Variants in HSP90B1 observed in about 807,000 individuals in gnomAD.
HSP90B1 encodes the protein heat shock protein 90 beta family member 1.
A neutral mutation model predicts 100.4 loss-of-function variants in HSP90B1; 27 were observed. The observed-to-expected ratio is 0.27, with a 90% CI of 0.20 to 0.37. The LOEUF (loss-of-function observed/expected upper bound fraction) is 0.37. Ranked by LOEUF, HSP90B1 falls within the 10% of genes least tolerant of loss-of-function variation. The pLI is 1.00. For missense variants in HSP90B1, 678 were observed against 960.5 expected (o/e 0.71, Z 3.89); for synonymous variants, 304 against 330.8 (o/e 0.92, Z 0.88).
At chr12:103,941,309 T>G (rs1277824299) in intron 8 of HSP90B1, 101 bp from the exon 9 acceptor site, 1 of 1,235,552 alleles carries the variant, frequency 8.1e-7, no homozygotes, top group Non-Finnish European at 1.1e-6. Context: ...TTTTTGTTAG[T>G]TAATTGCTAA....
In HSP90B1 at chr12:103,930,601, C is replaced by G; in HGVS notation, c.49+37C>G. 1.3e-6 allele frequency: 2 copies of G among 1,582,246 alleles called. No individual in the cohort carries two copies. Among genetic ancestry groups the G allele is most frequent in the Non-Finnish European group, 8.6e-7 (1 of 1,164,380 alleles). The stretch of plus-strand genomic sequence containing the variant: ...TGGAGGAGCAGACGTCCCCCCTCCA[C>G]ACACGCGGCCGCTTCTCGAAGGTCC... On this transcript the variant is annotated intron_variant, in intron 1 of 17. Transcript: ENST00000299767. The surrounding 1 kb of genome is among the most constrained non-coding windows in gnomAD (Gnocchi z 4.4).
chr12:103,932,573 T>C (rs1033219491), intron 3 of HSP90B1, among the ~76,000 whole-genome samples, 155 bp downstream of exon 3: 3 of 152,230 alleles, frequency 2.0e-5, no homozygotes, highest in Non-Finnish European at 2.9e-5. Flanking sequence ...ACCAGATATC[T>C]GGGAAGAAAG....
At position 103,938,389 on chromosome 12, in the gene HSP90B1, A is replaced by T. The variant is rs922226216; in HGVS notation, c.905A>T (p.Glu302Val). 10 of 1,582,288 alleles carry T rather than the reference A, an allele frequency of 6.3e-6. No individual in the cohort carries two copies. The highest frequency in any genetic ancestry group is 4.5e-5 in the East Asian group (2 of 44,238). The change falls in exon 7 of 18, where the codon GAG (glutamate) becomes GTG (valine). Residue 302 changes from glutamate (E) to valine (V), a missense_variant. By Grantham distance (121) the Glu-to-Val change is moderately radical (BLOSUM62 -2). Around this residue, in one of 8 missense-constraint regions of HSP90B1, gnomAD observed 238 missense variants for 346.7 expected, o/e 0.69. Coordinates refer to ENST00000299767, the MANE Select transcript of HSP90B1 (RefSeq NM_003299.3). The stretch of plus-strand genomic sequence containing the variant: ...GAGGAAGAAGAAGCAGCCAAAGAAG[A>T]GAAAGAAGAATCTGATGATGAAGCT... ...PMEEEEAAKE[E>V]KEESDDEAAV...
At position 103,946,807 on chromosome 12, in the gene HSP90B1, G is replaced by A; in HGVS notation, c.2128G>A (p.Val710Ile). The A allele has an allele frequency of 1.2e-6, 2 of 1,614,114 alleles. No homozygotes were observed. Among genetic ancestry groups the A allele is most frequent in the Non-Finnish European group, 1.7e-6 (2 of 1,180,016 alleles). ...TCAGGAAGATGAAGATGATAAAACA[G>A]TTTTGGATCTTGCTGTGGTTTTGTT... ...RIKEDEDDKT[V>I]LDLAVVLFET... The change falls in exon 16 of 18, where the codon GTT becomes ATT. Residue 710 changes from valine (V) to isoleucine (I), a missense_variant. Physicochemically the swap from Val to Ile is conservative, Grantham distance 29. Coordinates refer to ENST00000299767, the MANE Select transcript of HSP90B1 (RefSeq NM_003299.3).
Position 103,946,949 on chromosome 12 carries a change from T to C in HSP90B1, c.2262+8T>C, listed in dbSNP as rs1344410466. ...ATTGACCCTGATGCAAAGGTTTGTA[T>C]CCCCAACCTTCCCGCAAAGGCTGGC... is the stretch of plus-strand genomic sequence containing the variant. On this transcript the variant is annotated splice_region_variant and intron_variant, in intron 16 of 17. Coordinates refer to ENST00000299767, the MANE Select transcript of HSP90B1 (RefSeq NM_003299.3). 1 of 1,605,030 alleles carries C rather than the reference T, an allele frequency of 6.2e-7. No individual in the cohort carries two copies. Among genetic ancestry groups the C allele is most frequent in the East Asian group, 2.2e-5 (1 of 44,846 alleles).
At chr12:103,932,758 G>T in intron 3 of HSP90B1, 68 bp from the exon 4 acceptor site, 1 of 844,188 alleles carries the variant, frequency 1.2e-6, no homozygotes, top group Non-Finnish European at 2.0e-6. Context: ...AATGGGTTTG[G>T]CATAAAATCG....
At position 103,943,534 on chromosome 12, in the gene HSP90B1, G is replaced by A; in HGVS notation, c.1891-204G>A. 3 of 694,022 alleles carry A rather than the reference G, an allele frequency of 4.3e-6. No homozygotes were observed. Among genetic ancestry groups the A allele is most frequent in the Non-Finnish European group, 6.9e-6 (3 of 432,050 alleles). 43.0% of individuals were successfully genotyped at this position (694,022 alleles called of 1,614,324 possible). A position where few individuals can be genotyped will look rare whatever the true frequency, so the allele number is the denominator to read the frequency against. On this transcript the variant is annotated intron_variant, in intron 13 of 17. Coordinates refer to ENST00000299767, the MANE Select transcript of HSP90B1 (RefSeq NM_003299.3). This position sits in a 1 kb window ranked among gnomAD's most constrained non-coding sequence, Gnocchi z 5.3. ...AAATTAAATTTTATGTTTTTAAAAGGTGGTATTTAAACTTCTGACTAGAAA... is the reference window on the plus strand; with the variant it reads ...AAATTAAATTTTATGTTTTTAAAAGATGGTATTTAAACTTCTGACTAGAAA...
chr12:103,947,697 G>C lies in HSP90B1; in HGVS notation c.*35G>C, dbSNP rs1188508186. ...TCACCATTTGGATCCTGTGTGGAGA[G>C]GGAATGTGAAATTTACATCATTTCT... On this transcript the variant is annotated 3_prime_UTR_variant, in exon 18 of 18. Transcript: ENST00000299767. 3 of 1,557,506 alleles carry C rather than the reference G, an allele frequency of 1.9e-6. No homozygotes were observed. Among genetic ancestry groups the C allele is most frequent in the Admixed American group, 1.7e-5 (1 of 59,930 alleles).
chr12:103,931,762 AT>A (rs1370395813), intron 2 of HSP90B1, 139 bp downstream of exon 2: 1 of 700,948 alleles, frequency 1.4e-6, no homozygotes, highest in Non-Finnish European at 2.6e-6. Context: ...AGTTGTGTGC[AT>A]ACATACCTCC....
At chr12:103,947,030 G>T in intron 16 of HSP90B1, 89 bp downstream of exon 16, 1 of 1,395,140 alleles carries the variant, frequency 7.2e-7, no homozygotes, top group Non-Finnish European at 9.8e-7. Context: ...GAGGGATGTA[G>T]CTTTGCGACA....
In HSP90B1 at chr12:103,947,311, G is replaced by A; in HGVS notation, c.2263G>A (p.Val755Met). Reference protein sequence around the residue: ...LSLNIDPDAKVEEEPEEEPEE... With the variant: ...LSLNIDPDAKMEEEPEEEPEE... ...ATGGGCCCATAAATGTTGTGTTTAGGTGGAAGAAGAGCCCGAAGAAGAACC... is the reference window on the plus strand; with the variant it reads ...ATGGGCCCATAAATGTTGTGTTTAGATGGAAGAAGAGCCCGAAGAAGAACC... Residue 755 changes from valine to methionine, a missense_variant and splice_region_variant, in exon 17 of 18, where the codon GTG becomes ATG. Val to Met is a conservative substitution (Grantham distance 21). This residue lies in a region of HSP90B1 where 65 missense variants were observed against 65.1 expected (regional missense o/e 1.00). Coordinates refer to ENST00000299767, the MANE Select transcript of HSP90B1 (RefSeq NM_003299.3). 1.3e-6 allele frequency: 2 copies of A among 1,594,088 alleles called. No homozygotes were observed. Among genetic ancestry groups the A allele is most frequent in the Admixed American group, 1.8e-5 (1 of 54,452 alleles).
chr12:103,941,113 TAAG>T (rs1870062975), intron 8 of HSP90B1, among the ~76,000 whole-genome samples: 1 of 152,212 alleles, frequency 6.6e-6, no homozygotes, highest in Non-Finnish European at 1.5e-5. Flanking sequence ...CTCTCATACG[TAAG>T]AAGTATAAAC....
chr12:103,932,365 G>A lies in HSP90B1; in HGVS notation c.241G>A (p.Glu81Lys), dbSNP rs781314286. ...EKSEKFAFQA[E>K]VNRMMKLIIN... is the part of the protein sequence containing the mutation. The stretch of plus-strand genomic sequence containing the variant: ...GTCGGAAAAGTTTGCCTTCCAAGCC[G>A]AAGTTAACAGAATGATGAAACTTAT... Residue 81 changes from glutamate to lysine, a missense_variant, in exon 3 of 18, where the codon GAA becomes AAA. This residue lies in a region of HSP90B1 where 238 missense variants were observed against 346.7 expected (regional missense o/e 0.69). Transcript: ENST00000299767. 16 of 1,613,204 alleles carry A rather than the reference G, an allele frequency of 9.9e-6. No individual in the cohort carries two copies. The highest frequency in any genetic ancestry group is 4.0e-5 in the African/African-American group (3 of 75,002).
Position 103,947,347 on chromosome 12 carries a change from G to A in HSP90B1, c.2299G>A (p.Ala767Thr), listed in dbSNP as rs370313687. Residue 767 changes from alanine to threonine, a missense_variant, in exon 17 of 18, where the codon GCA becomes ACA. Coordinates refer to ENST00000299767, the MANE Select transcript of HSP90B1 (RefSeq NM_003299.3). ...EEPEEEPEET[A>T]EDTTEDTEQD... ...GCCCGAAGAAGAACCTGAAGAGACA[G>A]CAGAAGACACAACAGAAGACACAGA... 4.0e-5 allele frequency: 64 copies of A among 1,604,778 alleles called. No homozygotes were observed. The African/African-American group carries it at 7.2e-4, about 18-fold the overall frequency.
chr12:103,933,054 A>T, intron 4 of HSP90B1, 112 bp downstream of exon 4: 1 of 642,870 alleles, frequency 1.6e-6, no homozygotes, highest in Non-Finnish European at 2.8e-6. Flanking sequence ...AAAAACCCCA[A>T]GTCTCAGTGG....
At chr12:103,942,903 G>A (rs1263679835) in intron 12 of HSP90B1, 107 bp downstream of exon 12, 2 of 1,448,752 alleles carry the variant, frequency 1.4e-6, no homozygotes, top group Admixed American at 4.0e-5. Flanking sequence ...AACTGGAGTA[G>A]TTATAAGGCC....
intron 11 of HSP90B1, among the ~76,000 whole-genome samples, 192 bp from the exon 12 acceptor site, chr12:103,942,335 T>G (rs779996061): frequency 3.9e-5 from 6 of 152,230 alleles, no homozygotes; most frequent in Admixed American, 6.5e-5. Context: ...AAGGCAATCT[T>G]GTGGCTATTT....
intron 5 of HSP90B1, among the ~76,000 whole-genome samples, chr12:103,936,642 A>G (rs1378678242): frequency 1.5e-5 from 2 of 131,938 alleles, no homozygotes; most frequent in East Asian, 4.0e-4. Context: ...AAAAAAAAAA[A>G]AAGTGTCCCA....
intron 7 of HSP90B1, 101 bp from the exon 8 acceptor site, chr12:103,939,408 G>GTCTT: frequency 1.7e-6 from 1 of 589,894 alleles, no homozygotes; most frequent in Non-Finnish European, 3.0e-6. Flanking sequence ...AGTCCTCTGG[G>GTCTT]TCTTTACATA....
Sources: gnomAD v4.1 joint callset for allele counts (sites outside exome capture counted in the v4.1 genomes callset) on GRCh38, gnomAD v4.1.1 for gene constraint, gnomAD v4.1.1 regional missense constraint, Gnocchi (gnomAD v3.1) non-coding constraint, MANE v1.5 for transcripts, NCBI Gene and HGNC (gene_info 2026-07-23, HGNC 2026-07-21) for gene names.